ANKRD55: variants seen among roughly 807,000 people sequenced by gnomAD.
ANKRD55 encodes ankyrin repeat domain 55, also known as ankyrin repeat domain-containing protein 55.
Under a neutral mutation model 60.6 loss-of-function variants are expected in ANKRD55, and 41 were observed. That is an observed-to-expected ratio of 0.68 (90% CI 0.53 to 0.88). ANKRD55 has a LOEUF of 0.88. Among genes scored for constraint, ANKRD55 ranks in the 40% least tolerant of loss-of-function variants. ANKRD55 has a pLI of 0.00. For missense variants in ANKRD55, 732 were observed against 767.6 expected (o/e 0.95, Z 0.55); for synonymous variants, 264 against 290.3 (o/e 0.91, Z 0.92).
In ANKRD55 at chr5:56,170,699, A is replaced by G. The variant is rs1209532730; in HGVS notation, c.417T>C (p.Asp139=). 2.5e-6 allele frequency: 4 copies of G among 1,613,830 alleles called. No individual in the cohort carries two copies. The highest frequency in any genetic ancestry group is 2.5e-6 in the Non-Finnish European group (3 of 1,179,892). ...ATGTAAACCTGGCCACTTACCTCAT[A>G]TCGGGCTCAGCAGTGGCAGCATGCA... is the stretch of plus-strand genomic sequence containing the variant. ...LPLHAATAEP[D]MRLLTVLLQQ... Residue 139 remains aspartate (D), a synonymous_variant, in exon 5 of 12, where the codon GAT becomes GAC. Transcript: ENST00000341048.
chr5:56,202,661 A>G (rs1413948082), intron 2 of ANKRD55, among the ~76,000 whole-genome samples: 1 of 152,248 alleles, frequency 6.6e-6, no homozygotes, highest in African/African-American at 2.4e-5. Context: ...AGTGGAAAAG[A>G]AGAGATTTCA....
At chr5:56,141,224 G>C (rs145763330) in intron 7 of ANKRD55, among the ~76,000 whole-genome samples, 4 of 145,892 alleles carry the variant, frequency 2.7e-5, no homozygotes, top group African/African-American at 1.0e-4. Flanking sequence ...CTCCTGCCTC[G>C]GATTCCCAAA....
At position 56,116,599 on chromosome 5, in the gene ANKRD55, C is replaced by T. The variant is rs377558119; in HGVS notation, c.965+16G>A. 1.1e-5 allele frequency: 17 copies of T among 1,478,702 alleles called. No homozygotes were observed. In the African/African-American group the frequency reaches 2.2e-4, roughly 19 times the overall value. 91.6% of individuals were successfully genotyped at this position (1,478,702 alleles called of 1,614,324 possible). Reference sequence around the variant, plus strand: ...TTGAGAAGAATAGAAAAATAACTGGCTCCTGTTGTACTCACCTGCTCTCTT... The same window carrying T: ...TTGAGAAGAATAGAAAAATAACTGGTTCCTGTTGTACTCACCTGCTCTCTT... On this transcript the variant is annotated intron_variant, in intron 9 of 11. Coordinates refer to ENST00000341048, the MANE Select transcript of ANKRD55 (RefSeq NM_024669.3).
intron 7 of ANKRD55, among the ~76,000 whole-genome samples, chr5:56,128,403 G>A (rs1757331015): frequency 1.3e-5 from 2 of 152,174 alleles, no homozygotes; most frequent in African/African-American, 4.8e-5. Flanking sequence ...CTGAAATAGA[G>A]GCTGCTGCTT....
At chr5:56,221,315 G>A (rs998395647) in intron 2 of ANKRD55, among the ~76,000 whole-genome samples, 5 of 152,180 alleles carry the variant, frequency 3.3e-5, no homozygotes, top group Non-Finnish European at 7.3e-5. Context: ...TTTTTGTCTA[G>A]CATTCCCATT....
chr5:56,226,893 C>A (rs1416861056), intron 2 of ANKRD55, among the ~76,000 whole-genome samples: 1 of 152,186 alleles, frequency 6.6e-6, no homozygotes, highest in East Asian at 1.9e-4. Context: ...GTTGGTGGGA[C>A]TGTAAACTAG....
rs1386830760 is a variant in ANKRD55, at chr5:56,135,312, T to TTTCG, written c.613-8207_613-8206insCGAA. On this transcript the variant is annotated intron_variant, in intron 7 of 11. Coordinates refer to ENST00000341048, the MANE Select transcript of ANKRD55 (RefSeq NM_024669.3). ...CCTGCTTGCTTTCTTTCTTTCTTTC[T>TTTCG]TTCTTTCTTTCTTTCTTTCTTTCTT... Among the ~76,000 whole-genome samples the TTTCG allele has an allele frequency of 4.7e-3, 57 of 12,068 alleles. 7 individuals are homozygous for TTTCG. The highest frequency in any genetic ancestry group is 0.034 in the African/African-American group (57 of 1,696). The allele number at this position is 12,068 out of a possible 152,430, so 7.9% of individuals were successfully genotyped here. A position where few individuals can be genotyped will look rare whatever the true frequency, so the allele number is the denominator to read the frequency against.
chr5:56,135,569 C>T (rs1757573824), intron 7 of ANKRD55, among the ~76,000 whole-genome samples: 1 of 151,690 alleles, frequency 6.6e-6, no homozygotes, highest in Non-Finnish European at 1.5e-5. Context: ...AGGTTTTTGC[C>T]ATTTTGCCAG....
At chr5:56,132,955 A>C (rs1757463244) in intron 7 of ANKRD55, among the ~76,000 whole-genome samples, 1 of 152,240 alleles carries the variant, frequency 6.6e-6, no homozygotes, top group Non-Finnish European at 1.5e-5. Context: ...TAAAGAGGTC[A>C]GTTCTCCAAG....
At chr5:56,105,147 T>C (rs1163578407) in intron 10 of ANKRD55, among the ~76,000 whole-genome samples, 1 of 151,392 alleles carries the variant, frequency 6.6e-6, no homozygotes, top group African/African-American at 2.4e-5. Context: ...AATGCAGTAG[T>C]GCCATCGTGG....
chr5:56,191,205 A>G (rs1229452849), intron 2 of ANKRD55, among the ~76,000 whole-genome samples: 1 of 152,210 alleles, frequency 6.6e-6, no homozygotes, highest in East Asian at 1.9e-4. Flanking sequence ...CTGAAATTCA[A>G]TATGTATATT....
intron 2 of ANKRD55, among the ~76,000 whole-genome samples, chr5:56,225,396 T>A (rs1760084632): frequency 6.6e-6 from 1 of 152,164 alleles, no homozygotes; most frequent in African/African-American, 2.4e-5. Context: ...GGACAAAAAC[T>A]GGAAGCATTC....
At chr5:56,109,072 CACACACA>C (rs1756588179) in intron 10 of ANKRD55, among the ~76,000 whole-genome samples, 4 of 151,790 alleles carry the variant, frequency 2.6e-5, no homozygotes, top group African/African-American at 9.7e-5. Flanking sequence ...CACACACACA[CACACACA>C]CCCCACCGCC....
intron 2 of ANKRD55, among the ~76,000 whole-genome samples, chr5:56,214,385 C>T (rs755145862): frequency 1.3e-5 from 2 of 152,184 alleles, no homozygotes; most frequent in South Asian, 2.1e-4. Context: ...GTGGGCCCGG[C>T]GTGGTGCCAG....
At chr5:56,159,239 A>G (rs564841324) in intron 6 of ANKRD55, among the ~76,000 whole-genome samples, 1 of 152,328 alleles carries the variant, frequency 6.6e-6, no homozygotes, top group South Asian at 2.1e-4. Flanking sequence ...AGGCAGGCAG[A>G]TCACCTGAGG....
chr5:56,197,764 G>A (rs1759260802), intron 2 of ANKRD55, among the ~76,000 whole-genome samples: 2 of 152,124 alleles, frequency 1.3e-5, no homozygotes, highest in Admixed American at 1.3e-4. Flanking sequence ...ACTGTAATGA[G>A]ATACGAAAAT....
intron 10 of ANKRD55, among the ~76,000 whole-genome samples, chr5:56,110,365 C>T (rs905845181): frequency 2.0e-5 from 3 of 152,180 alleles, no homozygotes; most frequent in African/African-American, 7.2e-5. Context: ...TGCCACTGCA[C>T]TCTAGCCTGG....
chr5:56,163,366 A>G (rs1013798080), intron 5 of ANKRD55, among the ~76,000 whole-genome samples: 2 of 151,918 alleles, frequency 1.3e-5, no homozygotes, highest in South Asian at 4.1e-4. Flanking sequence ...TCCAGCATCT[A>G]TGTCAATTCC....
At chr5:56,130,155 A>G (rs139190077) in intron 7 of ANKRD55, among the ~76,000 whole-genome samples, 2,146 of 152,322 alleles carry the variant, frequency 0.014, 43 homozygotes, top group Admixed American at 0.041. Flanking sequence ...GAGAGAGAGC[A>G]GAAGATAGAA....
Sources: gnomAD v4.1 joint callset for allele counts (sites outside exome capture counted in the v4.1 genomes callset) on GRCh38, gnomAD v4.1.1 for gene constraint, MANE v1.5 for transcripts, NCBI Gene and HGNC (gene_info 2026-07-23, HGNC 2026-07-21) for gene names.